The following ELOVL7 variants were observed in gnomAD, a reference collection of about 807,000 sequenced individuals.
ELOVL7 encodes the protein ELOVL fatty acid elongase 7, also known as very long chain fatty acid elongase 7.
Under a neutral mutation model 35.7 loss-of-function variants are expected in ELOVL7, and 27 were observed. That is an observed-to-expected ratio of 0.76 (90% CI 0.56 to 1.04). The LOEUF is 1.04. Among genes scored for constraint, ELOVL7 ranks in the 50% least tolerant of loss-of-function variants. ELOVL7 has a pLI of 0.00. For missense variants in ELOVL7, 327 were observed against 340.8 expected (o/e 0.96, Z 0.32); for synonymous variants, 113 against 114.6 (o/e 0.99, Z 0.09).
chr5:60,757,325 A>C (rs1741599008), intron 8 of ELOVL7, among the ~76,000 whole-genome samples, 184 bp downstream of exon 8: 1 of 152,142 alleles, frequency 6.6e-6, no homozygotes, highest in Non-Finnish European at 1.5e-5. Flanking sequence ...TAACTGTCTG[A>C]GCCTCTTGGT....
intron 3 of ELOVL7, 81 bp from the exon 4 acceptor site, chr5:60,772,174 A>G: frequency 2.4e-6 from 2 of 830,328 alleles, no homozygotes; most frequent in Non-Finnish European, 3.7e-6. Flanking sequence ...TTAACTGAGC[A>G]CCCAGATCCT....
chr5:60,792,511 T>C lies in ELOVL7; in HGVS notation c.-34-5080A>G, dbSNP rs538509238. On this transcript the variant is annotated intron_variant, in intron 2 of 8. Transcript: ENST00000508821. ...TACCCCTAGACTAGACCCAGACATA[T>C]CTTTGCCTTCTTTTACCATGACTCA... Among the ~76,000 whole-genome samples the C allele has an allele frequency of 1.4e-4, 22 of 152,306 alleles. No individual in the cohort carries two copies. In the South Asian group the frequency reaches 2.5e-3, roughly 17 times the overall value.
chr5:60,757,002 G>A (rs1741576794), intron 8 of ELOVL7, among the ~76,000 whole-genome samples: 1 of 152,088 alleles, frequency 6.6e-6, no homozygotes, highest in Admixed American at 6.6e-5. Context: ...TATAAGGGCA[G>A]TATTCAAATT....
intron 1 of ELOVL7, among the ~76,000 whole-genome samples, chr5:60,816,167 G>A (rs1014700861): frequency 6.6e-6 from 1 of 152,150 alleles, no homozygotes; most frequent in Non-Finnish European, 1.5e-5. Context: ...ATCACTTGAG[G>A]TCAAGAGTTT....
intron 1 of ELOVL7, among the ~76,000 whole-genome samples, chr5:60,815,602 C>T (rs1347945610): frequency 1.3e-5 from 2 of 151,008 alleles, no homozygotes; most frequent in East Asian, 3.9e-4. Flanking sequence ...GAGTCTCGTT[C>T]TGTTACCCAG....
chr5:60,770,130 C>T (rs893935901), intron 4 of ELOVL7, among the ~76,000 whole-genome samples: 1 of 151,444 alleles, frequency 6.6e-6, no homozygotes, highest in Non-Finnish European at 1.5e-5. Flanking sequence ...GAAACTGACA[C>T]ATAAGTAACT....
chr5:60,764,394 T>C (rs1044381965), intron 6 of ELOVL7, 62 bp from the exon 7 acceptor site: 30 of 1,289,700 alleles, frequency 2.3e-5, no homozygotes, highest in Non-Finnish European at 3.0e-5. Flanking sequence ...TTGAGTATTA[T>C]AAAAAATATT....
At chr5:60,772,138 G>T (rs1470316877) in intron 3 of ELOVL7, 45 bp from the exon 4 acceptor site, 1 of 1,338,746 alleles carries the variant, frequency 7.5e-7, no homozygotes, top group Non-Finnish European at 1.0e-6. Context: ...TTAGCCAAGG[G>T]GTAACTAACA....
intron 3 of ELOVL7, among the ~76,000 whole-genome samples, chr5:60,780,114 CTTTT>C (rs59345433): frequency 2.7e-4 from 34 of 124,320 alleles, no homozygotes; most frequent in Non-Finnish European, 4.2e-4. Flanking sequence ...CAAACTTTCC[CTTTT>C]TTTTTTTTTT....
intron 1 of ELOVL7, among the ~76,000 whole-genome samples, chr5:60,826,716 A>C (rs1435586578): frequency 6.6e-6 from 1 of 152,206 alleles, no homozygotes; most frequent in East Asian, 1.9e-4. Flanking sequence ...TGAGAAAAAC[A>C]ACAACATTGG....
At chr5:60,791,051 A>G (rs1743906791) in intron 2 of ELOVL7, among the ~76,000 whole-genome samples, 1 of 152,158 alleles carries the variant, frequency 6.6e-6, no homozygotes, top group African/African-American at 2.4e-5. Flanking sequence ...AGCTTGACTC[A>G]CTGCAGCCTC....
chr5:60,830,045 C>T (rs528296783), intron 1 of ELOVL7, among the ~76,000 whole-genome samples: 40 of 152,280 alleles, frequency 2.6e-4, no homozygotes, highest in African/African-American at 9.4e-4. Context: ...ATTGTCCATT[C>T]TCTACGTGAG....
chr5:60,802,874 A>T (rs2112292927), intron 1 of ELOVL7, among the ~76,000 whole-genome samples: 1 of 152,344 alleles, frequency 6.6e-6, no homozygotes, highest in African/African-American at 2.4e-5. Context: ...TGGCTTAACC[A>T]GTAAGGGGAT....
At chr5:60,773,558 A>C (rs1742727320) in intron 3 of ELOVL7, among the ~76,000 whole-genome samples, 1 of 152,114 alleles carries the variant, frequency 6.6e-6, no homozygotes, top group African/African-American at 2.4e-5. Context: ...GCCCCTCTCA[A>C]AAAAAATAAA....
At chr5:60,835,721 G>A (rs1425565698) in intron 1 of ELOVL7, among the ~76,000 whole-genome samples, 1 of 151,966 alleles carries the variant, frequency 6.6e-6, no homozygotes, top group Admixed American at 6.6e-5. Context: ...CCATCTTTCT[G>A]ATTTTTTTAG....
chr5:60,809,942 G>C (rs501013), intron 1 of ELOVL7, among the ~76,000 whole-genome samples: 8 of 152,256 alleles, frequency 5.3e-5, no homozygotes, highest in African/African-American at 1.7e-4. Context: ...ATGAATCTTG[G>C]TATGAATATT....
chr5:60,791,377 G>A (rs1392345070), intron 2 of ELOVL7, among the ~76,000 whole-genome samples: 1 of 152,132 alleles, frequency 6.6e-6, no homozygotes, highest in African/African-American at 2.4e-5. Flanking sequence ...GGGGGAGGAG[G>A]AAGAGGAAAG....
At chr5:60,765,786 G>T (rs1037873002) in intron 6 of ELOVL7, among the ~76,000 whole-genome samples, 1 of 152,102 alleles carries the variant, frequency 6.6e-6, no homozygotes, top group African/African-American at 2.4e-5. Flanking sequence ...ATTTCAAAAG[G>T]TGAAGCATAT....
At chr5:60,786,878 G>C (rs1743628500) in intron 3 of ELOVL7, among the ~76,000 whole-genome samples, 4 of 151,684 alleles carry the variant, frequency 2.6e-5, no homozygotes, top group Admixed American at 2.0e-4. Flanking sequence ...GGAGGCGGAG[G>C]TTGCAGGGAG....
Sources: gnomAD v4.1 joint callset for allele counts (sites outside exome capture counted in the v4.1 genomes callset) on GRCh38, gnomAD v4.1.1 for gene constraint, MANE v1.5 for transcripts, NCBI Gene and HGNC (gene_info 2026-07-23, HGNC 2026-07-21) for gene names.